EPHA6: variants seen among roughly 807,000 people sequenced by gnomAD.
EPHA6 encodes the protein EPH receptor A6.
In EPHA6, 50 loss-of-function variants were observed where a neutral mutation model predicts 112.0. The ratio of observed to expected loss-of-function variants is 0.45; its 90% confidence interval spans 0.36 to 0.56. EPHA6 has a LOEUF of 0.56. Ranked by LOEUF, EPHA6 falls within the 20% of genes least tolerant of loss-of-function variation. The pLI, the probability that EPHA6 is intolerant of heterozygous loss-of-function variation, is 0.00. For missense variants in EPHA6, 1,280 were observed against 1,417.4 expected (o/e 0.90, Z 1.56); for synonymous variants, 529 against 490.7 (o/e 1.08, Z -1.03).
At chr3:97,712,642 C>A (rs1253939675) in intron 14 of EPHA6, among the ~76,000 whole-genome samples, 1 of 151,886 alleles carries the variant, frequency 6.6e-6, no homozygotes, top group African/African-American at 2.4e-5. Context: ...GTGTTACTCA[C>A]TTAATGATGT....
chr3:97,072,594 C>G (rs973378165), intron 3 of EPHA6, among the ~76,000 whole-genome samples: 2 of 151,942 alleles, frequency 1.3e-5, no homozygotes, highest in Non-Finnish European at 2.9e-5. Flanking sequence ...TATGGCAGTC[C>G]TACAAAACTA....
intron 3 of EPHA6, among the ~76,000 whole-genome samples, chr3:97,208,819 T>TG (rs2108510178): frequency 6.6e-6 from 1 of 152,244 alleles, no homozygotes; most frequent in African/African-American, 2.4e-5. Flanking sequence ...TTTCAACCAA[T>TG]GGTTCAATGA....
chr3:97,536,741 A>T (rs1577695870), intron 11 of EPHA6, among the ~76,000 whole-genome samples: 1 of 152,232 alleles, frequency 6.6e-6, no homozygotes, highest in South Asian at 2.1e-4. Flanking sequence ...GTTAAGTAAT[A>T]GGCATTCCCC....
intron 3 of EPHA6, among the ~76,000 whole-genome samples, chr3:97,119,401 C>T (rs1017186840): frequency 6.6e-6 from 1 of 151,966 alleles, no homozygotes; most frequent in Admixed American, 6.6e-5. Flanking sequence ...CCTGTTTATG[C>T]CTCTGGGCGC....
chr3:97,559,314 A>C (rs192329533), intron 11 of EPHA6, among the ~76,000 whole-genome samples: 2 of 152,202 alleles, frequency 1.3e-5, no homozygotes, highest in East Asian at 3.9e-4. Context: ...ATGAATTGGC[A>C]TTGATAATAA....
chr3:96,868,148 TTG>T (rs1279091154), intron 2 of EPHA6, among the ~76,000 whole-genome samples: 1 of 149,778 alleles, frequency 6.7e-6, no homozygotes, highest in Non-Finnish European at 1.5e-5. Context: ...AAAATACCTT[TTG>T]TGTGTGTGCG....
chr3:96,972,693 A>C (rs1345184331), intron 2 of EPHA6, among the ~76,000 whole-genome samples: 2 of 152,068 alleles, frequency 1.3e-5, no homozygotes, highest in African/African-American at 4.8e-5. Flanking sequence ...ACGCAAGCAC[A>C]CTGGTCTGAA....
chr3:96,925,888 G>C (rs780483101), intron 2 of EPHA6, among the ~76,000 whole-genome samples: 26 of 152,186 alleles, frequency 1.7e-4, no homozygotes, highest in Non-Finnish European at 2.5e-4. Context: ...TTACAGGTGT[G>C]AGCCATCGTG....
chr3:97,419,904 G>T (rs1029301234), intron 6 of EPHA6, among the ~76,000 whole-genome samples: 11 of 151,928 alleles, frequency 7.2e-5, no homozygotes, highest in African/African-American at 2.7e-4. Flanking sequence ...CTGGGAAGCC[G>T]CTAGAAATCA....
At chr3:97,264,422 G>A (rs1419681219) in intron 5 of EPHA6, among the ~76,000 whole-genome samples, 2 of 152,272 alleles carry the variant, frequency 1.3e-5, no homozygotes, top group Non-Finnish European at 2.9e-5. Context: ...ACTGTACCAG[G>A]TGCACTGCAT....
chr3:97,113,651 A>G (rs959589761), intron 3 of EPHA6, among the ~76,000 whole-genome samples: 7 of 152,138 alleles, frequency 4.6e-5, no homozygotes, highest in African/African-American at 1.7e-4. Flanking sequence ...ACCCACAAAA[A>G]AAAGTCTTTC....
Position 97,126,897 on chromosome 3 carries a change from G to GAAA in EPHA6, c.1115-99355_1115-99353dup, listed in dbSNP as rs11463537. Among the ~76,000 whole-genome samples, 38 of 126,434 alleles carry GAAA rather than the reference G, an allele frequency of 3.0e-4. 1 individual carries two copies. The highest frequency in any genetic ancestry group is 9.4e-4 in the Admixed American group (12 of 12,794). The allele number at this position is 126,434 out of a possible 152,430, so 82.9% of individuals were successfully genotyped here. A position where few individuals can be genotyped will look rare whatever the true frequency, so the allele number is the denominator to read the frequency against. On this transcript the variant is annotated intron_variant, in intron 3 of 17. Transcript: ENST00000389672. Reference sequence around the variant, plus strand: ...ATGGAAGGAGGCAAAGGGAGAAGGTGAAAAAAAAAAAAAAGAACACTTAGA... The same window carrying GAAA: ...ATGGAAGGAGGCAAAGGGAGAAGGTGAAAAAAAAAAAAAAAAAGAACACTTAGA...
At chr3:97,273,213 A>C (rs1333205255) in intron 5 of EPHA6, among the ~76,000 whole-genome samples, 2 of 152,222 alleles carry the variant, frequency 1.3e-5, no homozygotes, top group Non-Finnish European at 2.9e-5. Flanking sequence ...ATCTAATTAG[A>C]GAGTGCCTAA....
intron 3 of EPHA6, among the ~76,000 whole-genome samples, chr3:97,126,699 T>C (rs2048190066): frequency 1.4e-5 from 2 of 143,176 alleles, no homozygotes; most frequent in Admixed American, 1.4e-4. Context: ...TGATGGAAAC[T>C]TAGAGCCTTC....
intron 7 of EPHA6, among the ~76,000 whole-genome samples, chr3:97,464,656 G>C (rs1450978641): frequency 6.6e-6 from 1 of 151,972 alleles, no homozygotes; most frequent in Non-Finnish European, 1.5e-5. Flanking sequence ...TGGGAAAAAA[G>C]ATGATTCTGG....
chr3:97,008,524 G>A (rs2043967316), intron 3 of EPHA6, among the ~76,000 whole-genome samples: 1 of 152,102 alleles, frequency 6.6e-6, no homozygotes, highest in African/African-American at 2.4e-5. Context: ...CTTTTATCAA[G>A]GTTCTTCACT....
intron 5 of EPHA6, among the ~76,000 whole-genome samples, chr3:97,289,145 T>C (rs1829914): frequency 0.23 from 34,222 of 151,942 alleles, 9,054 homozygotes; most frequent in African/African-American, 0.63. Context: ...TTAGTCATAA[T>C]TTCTTTCCCA....
intron 13 of EPHA6, among the ~76,000 whole-genome samples, chr3:97,634,478 G>A (rs1490678188): frequency 6.6e-6 from 1 of 152,018 alleles, no homozygotes; most frequent in African/African-American, 2.4e-5. Context: ...AATAACACAG[G>A]TGGGGTTCCC....
At chr3:97,508,383 A>G (rs1453856701) in intron 10 of EPHA6, among the ~76,000 whole-genome samples, 2 of 152,130 alleles carry the variant, frequency 1.3e-5, no homozygotes, top group Non-Finnish European at 1.5e-5. Flanking sequence ...AATTTGTTTC[A>G]AAGAACTTAT....
Sources: allele counts gnomAD v4.1 joint callset (sites outside exome capture counted in the v4.1 genomes callset), GRCh38; gene constraint gnomAD v4.1.1; transcripts MANE v1.5; gene names NCBI Gene and HGNC (gene_info 2026-07-23, HGNC 2026-07-21).